MOGS: variants seen among roughly 807,000 people sequenced by gnomAD.
MOGS encodes epididymis secretory sperm binding protein.
In MOGS, 45 loss-of-function variants were observed where a neutral mutation model predicts 68.5. The observed-to-expected ratio is 0.66, with a 90% CI of 0.52 to 0.84. MOGS has a LOEUF of 0.84. Among genes scored for constraint, MOGS ranks in the 40% least tolerant of loss-of-function variants. The pLI, the probability that MOGS is intolerant of heterozygous loss-of-function variation, is 0.00. For synonymous variants in MOGS, 492 were observed against 461.2 expected (o/e 1.07, Z -0.86); for missense variants, 1,020 against 1,095.0 (o/e 0.93, Z 0.97).
At position 74,462,862 on chromosome 2, in the gene MOGS, T is replaced by C. The variant is rs758971412; in HGVS notation, c.927A>G (p.Arg309=). 6.2e-7 allele frequency: 1 copy of C among 1,614,200 alleles called. No individual in the cohort carries two copies. The highest frequency in any genetic ancestry group is 1.1e-5 in the South Asian group (1 of 91,088). ...GCCCCTGCCCTTGCCCACTTGGACCTCTGTCCTCCCACTTCAGGGATCCTG... is the reference window on the plus strand; with the variant it reads ...GCCCCTGCCCTTGCCCACTTGGACCCCTGTCCTCCCACTTCAGGGATCCTG... ...GLPGSLKWED[R]GPSGQGQGQF... The change falls in exon 4 of 4, where the codon AGA becomes AGG. Residue 309 remains arginine, a synonymous_variant. Transcript: ENST00000448666.
rs766990094 is a variant in MOGS, at chr2:74,463,305, C to T, written c.661G>A (p.Val221Ile). Reference protein sequence around the residue: ...TDGKEVLLPEVGAKGQLKFIS... With the variant: ...TDGKEVLLPEIGAKGQLKFIS... The stretch of plus-strand genomic sequence containing the variant: ...AACTTCAACTGCCCCTTGGCCCCAA[C>T]CTCTGGTAGTAGGACTTCCTTGCCA... The change falls in exon 3 of 4, where the codon GTT (valine) becomes ATT (isoleucine). Residue 221 changes from valine (V) to isoleucine (I), a missense_variant. Around this residue, in one of 3 missense-constraint regions of MOGS, gnomAD observed 569 missense variants for 571.9 expected, o/e 0.99. Transcript: ENST00000448666. The T allele has an allele frequency of 2.5e-6, 4 of 1,614,086 alleles. No individual in the cohort carries two copies. In the South Asian group the frequency reaches 3.3e-5, roughly 13 times the overall value.
At position 74,465,061 on chromosome 2, in the gene MOGS, G is replaced by T; in HGVS notation, c.187C>A (p.Leu63Met). 3 of 1,555,580 alleles carry T rather than the reference G, an allele frequency of 1.9e-6. No individual in the cohort carries two copies. The African/African-American group carries it at 4.1e-5, about 21-fold the overall frequency. The change falls in exon 1 of 4, where the codon CTG (leucine) becomes ATG (methionine). Residue 63 changes from leucine (L) to methionine (M), a missense_variant. By Grantham distance (15) the Leu-to-Met change is conservative. Around this residue, in one of 3 missense-constraint regions of MOGS, gnomAD observed 569 missense variants for 571.9 expected, o/e 0.99. Transcript: ENST00000448666. ...GCCCGCCGCGCACGGTACCACGCCA[G>T]CACCCAGCGCCCCGACATACCCAGG... ...LALGMSGRWV[L>M]AWYRARRAVT...
At chr2:74,464,782 G>C in intron 1 of MOGS, 60 bp from the exon 2 acceptor site, 1 of 1,571,858 alleles carries the variant, frequency 6.4e-7, no homozygotes, top group African/African-American at 1.4e-5. Context: ...CGGGTCTCCG[G>C]GTCATCCCTC....
At chr2:74,464,196 T>C (rs1257910247) in intron 2 of MOGS, among the ~76,000 whole-genome samples, 2 of 147,866 alleles carry the variant, frequency 1.4e-5, no homozygotes, top group Non-Finnish European at 3.0e-5. Flanking sequence ...TGACCTCAGG[T>C]GATCCGCCAG....
At chr2:74,463,980 A>G (rs1453241645) in intron 2 of MOGS, among the ~76,000 whole-genome samples, 1 of 96,920 alleles carries the variant, frequency 1.0e-5, no homozygotes, top group Non-Finnish European at 2.0e-5. Context: ...TTTTCTTGAG[A>G]TGGAGTTTTG....
chr2:74,461,569 C>T lies in MOGS; in HGVS notation c.2220G>A (p.Gln740=). The part of the protein sequence containing the change: ...SLAASSSFYG[Q]RNSEHDPPYW... ...AGGGGGGATCATGCTCTGAATTGCGCTGGCCATAAAAGGAGCTGGAGGCTG... is the reference window on the plus strand; with the variant it reads ...AGGGGGGATCATGCTCTGAATTGCGTTGGCCATAAAAGGAGCTGGAGGCTG... Residue 740 remains glutamine, a synonymous_variant, in exon 4 of 4, where the codon CAG becomes CAA. Coordinates refer to ENST00000448666, the MANE Select transcript of MOGS (RefSeq NM_006302.3). 6.2e-7 allele frequency: 1 copy of T among 1,614,000 alleles called. No individual in the cohort carries two copies. Among genetic ancestry groups the T allele is most frequent in the Non-Finnish European group, 8.5e-7 (1 of 1,179,922 alleles).
Position 74,462,975 on chromosome 2 carries a change from G to A in MOGS, c.814C>T (p.Leu272=). ...VFWTSNPGLP[L]LTEMVKSRLN... ...CGACTCTTTACCATCTCTGTCAGCA[G>A]GGGCAGTCCTGGGTTGGAGGTCCAG... The change falls in exon 4 of 4, where the codon CTG becomes TTG. Residue 272 remains leucine, a synonymous_variant. Coordinates refer to ENST00000448666, the MANE Select transcript of MOGS (RefSeq NM_006302.3). 1.2e-6 allele frequency: 2 copies of A among 1,614,168 alleles called. No individual in the cohort carries two copies. The highest frequency in any genetic ancestry group is 2.2e-5 in the East Asian group (1 of 44,892).
chr2:74,464,653 T>C lies in MOGS; in HGVS notation c.422A>G (p.Asp141Gly), dbSNP rs1295439881. Residue 141 changes from aspartate (D) to glycine (G), a missense_variant, in exon 2 of 4, where the codon GAC (aspartate) becomes GGC (glycine). Physicochemically the swap from Asp to Gly is moderately conservative, Grantham distance 94 (BLOSUM62 -1). Around this residue, in one of 3 missense-constraint regions of MOGS, gnomAD observed 569 missense variants for 571.9 expected, o/e 0.99. Coordinates refer to ENST00000448666, the MANE Select transcript of MOGS (RefSeq NM_006302.3). ...PKLRHTCEQG[D>G]GVGPYGWEFH... ...CTCCCAGCCATAGGGACCCACACCG[T>C]CCCCCTGCTCACACGTGTGCCTGAG... 1 of 1,613,940 alleles carries C rather than the reference T, an allele frequency of 6.2e-7. No individual in the cohort carries two copies. The highest frequency in any genetic ancestry group is 8.5e-7 in the Non-Finnish European group (1 of 1,179,998).
chr2:74,464,966 G>C lies in MOGS; in HGVS notation c.282C>G (p.Leu94=). Residue 94 remains leucine (L), a synonymous_variant, in exon 1 of 4, where the codon CTC becomes CTG. Coordinates refer to ENST00000448666, the MANE Select transcript of MOGS (RefSeq NM_006302.3). ...CGTGAGGGCGGTAGGTTCCCCAGAA[G>C]AGGTCCGGGGCCACGGCGGGGCTGG... ...DSSSPAVAPD[L]FWGTYRPHVY... is the part of the protein sequence containing the mutation. 2 of 1,583,270 alleles carry C rather than the reference G, an allele frequency of 1.3e-6. No individual in the cohort carries two copies. Among genetic ancestry groups the C allele is most frequent in the Non-Finnish European group, 1.7e-6 (2 of 1,164,148 alleles).
Position 74,462,753 on chromosome 2 carries a change from T to G in MOGS, c.1036A>C (p.Asn346His). ...FESGSAQAGG[N>H]QALPRLAGSL... Reference sequence around the variant, plus strand: ...CCTGCCAGTCTTGGCAGGGCTTGATTTCCTCCTGCCTGGGCACTGCCTGAT... The same window carrying G: ...CCTGCCAGTCTTGGCAGGGCTTGATGTCCTCCTGCCTGGGCACTGCCTGAT... The change falls in exon 4 of 4, where the codon AAT (asparagine) becomes CAT (histidine). Residue 346 changes from asparagine (N) to histidine (H), a missense_variant. Coordinates refer to ENST00000448666, the MANE Select transcript of MOGS (RefSeq NM_006302.3). The G allele has an allele frequency of 6.2e-7, 1 of 1,614,194 alleles. No homozygotes were observed.
rs960034864 is a variant in MOGS at position 74,463,560 on chromosome 2, A to G, written c.580-174T>C. On this transcript the variant is annotated intron_variant, in intron 2 of 3. Transcript: ENST00000448666. ...GGGTAACCAGGTACACCCAAGCGGG[A>G]TGAGATAAAGAGCCTTGCACTGGGT... The G allele has an allele frequency of 7.5e-6, 5 of 664,410 alleles. No homozygotes were observed. In the African/African-American group the frequency reaches 9.0e-5, roughly 12 times the overall value. 41.2% of individuals were successfully genotyped at this position (664,410 alleles called of 1,614,324 possible).
rs371586378 is a variant in MOGS at position 74,461,954 on chromosome 2, G to C, written c.1835C>G (p.Thr612Arg). The C allele has an allele frequency of 2.0e-4, 317 of 1,614,030 alleles. No individual in the cohort carries two copies. Among genetic ancestry groups the C allele is most frequent in the Non-Finnish European group, 2.6e-4 (310 of 1,180,032 alleles). Residue 612 changes from threonine (T) to arginine (R), a missense_variant, in exon 4 of 4, where the codon ACG becomes AGG. Thr to Arg is a moderately conservative substitution (Grantham distance 71). Coordinates refer to ENST00000448666, the MANE Select transcript of MOGS (RefSeq NM_006302.3). ...CWVALGARVL[T>R]RLAEHLGEAE... ...CTCACCCAGATGCTCTGCCAGCCGCGTCAGCACACGGGCACCCAGTGCCAC... is the reference window on the plus strand; with the variant it reads ...CTCACCCAGATGCTCTGCCAGCCGCCTCAGCACACGGGCACCCAGTGCCAC...
rs763462327 is a variant in MOGS, at chr2:74,465,153, C to T, written c.95G>A (p.Gly32Asp). ...CGTGCTACGCGGCCCGCCGCCCCGG[C>T]CGTCCCGTCGCCCGGGGCCTCCCCG... ...AARGGPGRRD[G>D]RGGGPRSTAG... Residue 32 changes from glycine to aspartate, a missense_variant, in exon 1 of 4, where the codon GGC becomes GAC. Gly to Asp is a moderately conservative substitution (Grantham distance 94). Coordinates refer to ENST00000448666, the MANE Select transcript of MOGS (RefSeq NM_006302.3). 1 of 1,531,408 alleles carries T rather than the reference C, an allele frequency of 6.5e-7. No individual in the cohort carries two copies. The highest frequency in any genetic ancestry group is 8.7e-7 in the Non-Finnish European group (1 of 1,145,072). 94.9% of individuals were successfully genotyped at this position (1,531,408 alleles called of 1,614,324 possible).
At position 74,465,319 on chromosome 2, in the gene MOGS, C is replaced by T. The variant is rs1322302877; in HGVS notation, c.-72G>A. On this transcript the variant is annotated 5_prime_UTR_variant, in exon 1 of 4. Coordinates refer to ENST00000448666, the MANE Select transcript of MOGS (RefSeq NM_006302.3). Reference sequence around the variant, plus strand: ...GAGCCCGGGTCCTGCCTCACCTCTCCGGCTCCCGCCTCTCGCCCTGGCGAC... The same window carrying T: ...GAGCCCGGGTCCTGCCTCACCTCTCTGGCTCCCGCCTCTCGCCCTGGCGAC... The T allele has an allele frequency of 2.0e-5, 23 of 1,139,706 alleles. No individual in the cohort carries two copies. The highest frequency in any genetic ancestry group is 3.3e-5 in the African/African-American group (2 of 61,314). 70.6% of individuals were successfully genotyped at this position (1,139,706 alleles called of 1,614,324 possible). A position where few individuals can be genotyped will look rare whatever the true frequency, so the allele number is the denominator to read the frequency against.
chr2:74,465,298 C>T lies in MOGS; in HGVS notation c.-51G>A, dbSNP rs1468154534. ...GAGCTCGGAGAGGCGGCAGTGGAGCCCGGGTCCTGCCTCACCTCTCCGGCT... is the reference window on the plus strand; with the variant it reads ...GAGCTCGGAGAGGCGGCAGTGGAGCTCGGGTCCTGCCTCACCTCTCCGGCT... On this transcript the variant is annotated 5_prime_UTR_variant, in exon 1 of 4. Transcript: ENST00000448666. The T allele has an allele frequency of 7.6e-7, 1 of 1,322,356 alleles. No homozygotes were observed. Among genetic ancestry groups the T allele is most frequent in the Non-Finnish European group, 9.7e-7 (1 of 1,034,730 alleles). The allele number at this position is 1,322,356 out of a possible 1,614,324, so 81.9% of individuals were successfully genotyped here.
chr2:74,462,186 G>A lies in MOGS; in HGVS notation c.1603C>T (p.Arg535Ter), dbSNP rs747109742. 9 of 1,614,048 alleles carry A rather than the reference G, an allele frequency of 5.6e-6. No individual in the cohort carries two copies. The highest frequency in any genetic ancestry group is 4.5e-5 in the East Asian group (2 of 44,894). Residue 535 changes from arginine (R) to a stop codon, truncating the protein, a stop_gained, in exon 4 of 4, where the codon CGA becomes TGA. Coordinates refer to ENST00000448666, the MANE Select transcript of MOGS (RefSeq NM_006302.3). LOFTEE classifies it high-confidence loss of function. ...GCATGCAGGCGGGGCAAGGCCTTTC[G>A]GAGGAAAGCCAAGTCGTCAGGGTCA... ...VGDPDDLAFL[R>*]KALPRLHAWF... is the part of the protein sequence containing the mutation.
chr2:74,465,098 G>A lies in MOGS; in HGVS notation c.150C>T (p.Val50=), dbSNP rs777792215. The A allele has an allele frequency of 6.4e-7, 1 of 1,550,394 alleles. No individual in the cohort carries two copies. Among genetic ancestry groups the A allele is most frequent in the Non-Finnish European group, 8.7e-7 (1 of 1,150,776 alleles). Residue 50 remains valine (V), a synonymous_variant, in exon 1 of 4, where the codon GTC becomes GTT. Transcript: ENST00000448666. Reference sequence around the variant, plus strand: ...CCGACATACCCAGGGCCAAAGACAGGACCACGACGGCCAGAGCCACTCCTC... The same window carrying A: ...CCGACATACCCAGGGCCAAAGACAGAACCACGACGGCCAGAGCCACTCCTC... ...TAGGVALAVV[V]LSLALGMSGR...
In MOGS at chr2:74,465,005, C is replaced by T; in HGVS notation, c.243G>A (p.Leu81=). ...CGGCGGGGCTGGAGGAGTCGGCAGGCAACACAGGAGGCGCGGAGTGCAGCG... is the reference window on the plus strand; with the variant it reads ...CGGCGGGGCTGGAGGAGTCGGCAGGTAACACAGGAGGCGCGGAGTGCAGCG... ...AVTLHSAPPV[L]PADSSSPAVA... The change falls in exon 1 of 4, where the codon TTG becomes TTA. Residue 81 remains leucine, a synonymous_variant. Coordinates refer to ENST00000448666, the MANE Select transcript of MOGS (RefSeq NM_006302.3). 2 of 1,556,368 alleles carry T rather than the reference C, an allele frequency of 1.3e-6. No individual in the cohort carries two copies. Among genetic ancestry groups the T allele is most frequent in the Non-Finnish European group, 1.7e-6 (2 of 1,150,208 alleles).
chr2:74,461,988 GCA>G lies in MOGS; in HGVS notation c.1799_1800del (p.Leu600ProfsTer20), dbSNP rs748975153. On this transcript the variant is annotated frameshift_variant, in exon 4 of 4. Coordinates refer to ENST00000448666, the MANE Select transcript of MOGS (RefSeq NM_006302.3). LOFTEE classifies it high-confidence loss of function. ...HPSVTERHLDLRCWVALGARV... is the reference protein window; with the variant it reads ...HPSVTERHLDXRCWVALGARV... ...CGGGCACCCAGTGCCACCCAACATCGCAGGTCCAGGTGCCGCTCGGTTACTGA... is the reference window on the plus strand; with the variant it reads ...CGGGCACCCAGTGCCACCCAACATCGGGTCCAGGTGCCGCTCGGTTACTGA... 8.7e-6 allele frequency: 14 copies of G among 1,614,042 alleles called. No homozygotes were observed. The highest frequency in any genetic ancestry group is 1.1e-5 in the Non-Finnish European group (13 of 1,180,024).
Sources: allele counts gnomAD v4.1 joint callset (sites outside exome capture counted in the v4.1 genomes callset), GRCh38; gene constraint gnomAD v4.1.1; regional missense constraint gnomAD v4.1.1; transcripts MANE v1.5; gene names NCBI Gene and HGNC (gene_info 2026-07-23, HGNC 2026-07-21).